Variants in ZNF638 observed in about 807,000 individuals in gnomAD.
The protein encoded by ZNF638 is zinc finger protein 638.
Under a neutral mutation model 195.6 loss-of-function variants are expected in ZNF638, and 46 were observed. The observed-to-expected ratio is 0.24, with a 90% CI of 0.19 to 0.30. The LOEUF is 0.30. Ranked by LOEUF, ZNF638 falls within the 10% of genes least tolerant of loss-of-function variation. The probability of loss-of-function intolerance (pLI) is 1.00; values close to 1 mark genes in which losing one functional copy is unlikely to be tolerated. For missense variants in ZNF638, 2,440 were observed against 2,325.3 expected (o/e 1.05, Z -1.01); for synonymous variants, 845 against 772.0 (o/e 1.09, Z -1.57).
At chr2:71,372,485 C>A (rs1051147873) in intron 8 of ZNF638, among the ~76,000 whole-genome samples, 2 of 152,156 alleles carry the variant, frequency 1.3e-5, no homozygotes, top group Non-Finnish European at 2.9e-5. Flanking sequence ...CTAAAGTGCA[C>A]AGACTCTGTC....
At chr2:71,372,958 T>C (rs895391681) in intron 8 of ZNF638, among the ~76,000 whole-genome samples, 7 of 152,242 alleles carry the variant, frequency 4.6e-5, no homozygotes, top group Non-Finnish European at 7.3e-5. Flanking sequence ...AACAGAACTT[T>C]AGTTAACACC....
At position 71,353,713 on chromosome 2, in the gene ZNF638, TC is replaced by T. The variant is rs555397706; in HGVS notation, c.1318-2004del. ...AATGATATCCTGTATTACTGTATCT[TC>T]CTATTTTTTCAAGAAAAGCTGGAAA... On this transcript the variant is annotated intron_variant, in intron 2 of 27. Transcript: ENST00000264447. 3.9e-5 allele frequency among the ~76,000 whole-genome samples: 6 copies of T among 152,308 alleles called. No individual in the cohort carries two copies. The South Asian group carries it at 1.2e-3, about 32-fold the overall frequency.
chr2:71,418,256 T>C (rs1405947906), intron 20 of ZNF638: 1 of 177,540 alleles, frequency 5.6e-6, no homozygotes, highest in Non-Finnish European at 1.2e-5. Context: ...TAGAAGTCTT[T>C]TAAAATAATT....
intron 24 of ZNF638, among the ~76,000 whole-genome samples, chr2:71,427,652 A>G (rs1190240695): frequency 3.3e-5 from 5 of 152,228 alleles, no homozygotes; most frequent in African/African-American, 1.2e-4. Context: ...GACAAAAAAC[A>G]GAAAACAAAC....
chr2:71,369,161 C>T (rs935029435), intron 7 of ZNF638, among the ~76,000 whole-genome samples: 4 of 134,062 alleles, frequency 3.0e-5, no homozygotes, highest in African/African-American at 1.4e-4. Context: ...ATGGTGAAAC[C>T]CCGTGTCTAC....
chr2:71,364,094 G>A lies in ZNF638; in HGVS notation c.1559G>A (p.Ser520Asn). ...SPMHYMYRPR[S>N]RSPRICHRFI... is the part of the protein sequence containing the mutation. Reference sequence around the variant, plus strand: ...ATGCATTACATGTATAGGCCGAGAAGTCGAAGTCCAAGAATTTGCCATCGT... The same window carrying A: ...ATGCATTACATGTATAGGCCGAGAAATCGAAGTCCAAGAATTTGCCATCGT... The change falls in exon 5 of 28, where the codon AGT becomes AAT. Residue 520 changes from serine (S) to asparagine (N), a missense_variant. Transcript: ENST00000264447. The A allele has an allele frequency of 6.2e-7, 1 of 1,614,204 alleles. No homozygotes were observed. The highest frequency in any genetic ancestry group is 8.5e-7 in the Non-Finnish European group (1 of 1,180,044).
intron 1 of ZNF638, among the ~76,000 whole-genome samples, chr2:71,343,893 G>A (rs1038405592): frequency 2.1e-5 from 1 of 47,882 alleles, no homozygotes; most frequent in Non-Finnish European, 7.7e-5. Context: ...CACTTTGGGA[G>A]GCTGAGGCGG....
intron 6 of ZNF638, among the ~76,000 whole-genome samples, chr2:71,366,195 T>G (rs949713579): frequency 4.6e-5 from 7 of 151,884 alleles, no homozygotes; most frequent in African/African-American, 1.7e-4. Context: ...ACAAAAAATA[T>G]AAAAATGAGC....
intron 23 of ZNF638, among the ~76,000 whole-genome samples, chr2:71,426,161 T>C (rs1245593634): frequency 6.6e-6 from 1 of 152,194 alleles, no homozygotes; most frequent in Admixed American, 6.5e-5. Context: ...ACTTTAAATG[T>C]ATTTTTATGT....
At chr2:71,430,574 T>C (rs959872056) in intron 25 of ZNF638, among the ~76,000 whole-genome samples, 1 of 152,224 alleles carries the variant, frequency 6.6e-6, no homozygotes, top group African/African-American at 2.4e-5. Flanking sequence ...CTTGGGCATA[T>C]CTGTTTATTA....
At chr2:71,388,423 T>C in intron 10 of ZNF638, 1 of 679,004 alleles carries the variant, frequency 1.5e-6, no homozygotes, top group East Asian at 2.8e-5. Flanking sequence ...GACTGCTCCC[T>C]ACAGGCGGGG....
chr2:71,428,510 G>A (rs373194628), intron 24 of ZNF638, 37 bp from the exon 25 acceptor site: 1 of 1,553,438 alleles, frequency 6.4e-7, no homozygotes, highest in Non-Finnish European at 8.8e-7. Flanking sequence ...TTTAAATACT[G>A]TTACTAGAGC....
At chr2:71,383,470 T>C (rs1446675546) in intron 10 of ZNF638, among the ~76,000 whole-genome samples, 1 of 152,062 alleles carries the variant, frequency 6.6e-6, no homozygotes, top group African/African-American at 2.4e-5. Context: ...GAAAACTTCT[T>C]GATTTTCTTG....
intron 1 of ZNF638, among the ~76,000 whole-genome samples, chr2:71,342,162 A>G (rs1193802418): frequency 6.9e-6 from 1 of 143,910 alleles, no homozygotes; most frequent in Non-Finnish European, 1.5e-5. Context: ...TGGAGGTTTC[A>G]GTGAGCTGAG....
In ZNF638 at chr2:71,424,732, A is replaced by G; in HGVS notation, c.4590+17A>G. 1 of 1,598,898 alleles carries G rather than the reference A, an allele frequency of 6.3e-7. No individual in the cohort carries two copies. The highest frequency in any genetic ancestry group is 8.6e-7 in the Non-Finnish European group (1 of 1,167,752). ...TCTAAAGAGGTAAAAAATAGATCACAGACCCTAACCCTTCTTTTTCATCTC... is the reference window on the plus strand; with the variant it reads ...TCTAAAGAGGTAAAAAATAGATCACGGACCCTAACCCTTCTTTTTCATCTC... On this transcript the variant is annotated intron_variant, in intron 23 of 27. Coordinates refer to ENST00000264447, the MANE Select transcript of ZNF638 (RefSeq NM_014497.5).
chr2:71,388,375 G>C (rs757454651), intron 10 of ZNF638: 3 of 613,142 alleles, frequency 4.9e-6, no homozygotes, highest in South Asian at 3.2e-5. Flanking sequence ...TTGATCATCC[G>C]ACCTTTGATC....
At chr2:71,393,276 CCT>C (rs2079822555) in intron 10 of ZNF638, 4 of 615,698 alleles carry the variant, frequency 6.5e-6, no homozygotes, top group South Asian at 2.0e-5. Flanking sequence ...CTTGCTAAAA[CCT>C]CTCAAGACAT....
At chr2:71,416,852 C>T (rs562549209) in intron 20 of ZNF638, among the ~76,000 whole-genome samples, 162 of 142,370 alleles carry the variant, frequency 1.1e-3, no homozygotes, top group African/African-American at 4.0e-3. Context: ...TCTCCAGCTG[C>T]GTGCTGGGAG....
chr2:71,430,821 T>G (rs925619649), intron 25 of ZNF638, among the ~76,000 whole-genome samples: 1 of 152,202 alleles, frequency 6.6e-6, no homozygotes, highest in African/African-American at 2.4e-5. Context: ...CTGCTAACAT[T>G]GAGTGCTTCT....
Sources: allele counts gnomAD v4.1 joint callset (sites outside exome capture counted in the v4.1 genomes callset), GRCh38; gene constraint gnomAD v4.1.1; transcripts MANE v1.5; gene names NCBI Gene and HGNC (gene_info 2026-07-23, HGNC 2026-07-21).